Variants in RPS6KA5 observed in about 807,000 individuals in gnomAD.
RPS6KA5 encodes ribosomal protein S6 kinase alpha-5.
In RPS6KA5, 27 loss-of-function variants were observed where a neutral mutation model predicts 85.5. The observed-to-expected ratio is 0.32, with a 90% CI of 0.23 to 0.44. The LOEUF (loss-of-function observed/expected upper bound fraction) is 0.44. Ranked by LOEUF, RPS6KA5 falls within the 20% of genes least tolerant of loss-of-function variation. The pLI is 1.00. For synonymous variants in RPS6KA5, 334 were observed against 348.2 expected (o/e 0.96, Z 0.46); for missense variants, 811 against 980.9 (o/e 0.83, Z 2.31).
rs1245762666 is a variant in RPS6KA5, at chr14:90,854,357, A to G, written c.*17717T>C. 2 of 152,110 alleles carry G rather than the reference A, an allele frequency of 1.3e-5. No individual in the cohort carries two copies. Among genetic ancestry groups the G allele is most frequent in the Non-Finnish European group, 2.9e-5 (2 of 68,022 alleles). The allele number at this position is 152,110 out of a possible 1,614,324, so 9.4% of individuals were successfully genotyped here. ...AAAACTTAACATGAAATCAGCACAGAAACTAAGTTTTTAGAAATAGCCTAC... is the reference window on the plus strand; with the variant it reads ...AAAACTTAACATGAAATCAGCACAGGAACTAAGTTTTTAGAAATAGCCTAC... On this transcript the variant is annotated 3_prime_UTR_variant, in exon 17 of 17. Transcript: ENST00000614987.
intron 2 of RPS6KA5, among the ~76,000 whole-genome samples, chr14:90,983,426 C>G (rs986971821): frequency 6.6e-5 from 10 of 151,744 alleles, no homozygotes; most frequent in African/African-American, 1.9e-4. Flanking sequence ...ATAGGGAGAC[C>G]CCGTCTCTAC....
chr14:90,935,078 T>C (rs138499672), intron 5 of RPS6KA5, among the ~76,000 whole-genome samples: 107 of 152,270 alleles, frequency 7.0e-4, no homozygotes, highest in African/African-American at 2.6e-3. Flanking sequence ...AAAAAAATCA[T>C]GACTACATGT....
rs1277257732 is a variant in RPS6KA5, at chr14:90,851,706, CTT to C, written c.*20366_*20367del. 1 of 152,174 alleles carries C rather than the reference CTT, an allele frequency of 6.6e-6. No individual in the cohort carries two copies. Among genetic ancestry groups the C allele is most frequent in the Non-Finnish European group, 1.5e-5 (1 of 68,040 alleles). 9.4% of individuals were successfully genotyped at this position (152,174 alleles called of 1,614,324 possible). A position where few individuals can be genotyped will look rare whatever the true frequency, so the allele number is the denominator to read the frequency against. ...GAAAAAGGAAGGAATTAAGTGAGCT[CTT>C]TGGGTAACCTTGTTTTCTTCTAGAG... On this transcript the variant is annotated 3_prime_UTR_variant, in exon 17 of 17. Transcript: ENST00000614987.
At chr14:90,969,830 C>T (rs1183336527) in intron 3 of RPS6KA5, among the ~76,000 whole-genome samples, 1 of 152,126 alleles carries the variant, frequency 6.6e-6, no homozygotes, top group Non-Finnish European at 1.5e-5. Context: ...CCCACATGCC[C>T]CCTATGATTC....
chr14:90,884,377 G>A (rs1022969140), intron 14 of RPS6KA5, among the ~76,000 whole-genome samples: 8 of 152,104 alleles, frequency 5.3e-5, no homozygotes, highest in Non-Finnish European at 1.2e-4. Flanking sequence ...TGCTCACTGG[G>A]GCACTTTGCA....
chr14:91,051,903 T>C (rs990029370), intron 1 of RPS6KA5, among the ~76,000 whole-genome samples: 1 of 151,126 alleles, frequency 6.6e-6, no homozygotes, highest in African/African-American at 2.4e-5. Context: ...TCATACTCAG[T>C]GGTAGAAGAC....
Position 90,899,415 on chromosome 14 carries a change from C to T in RPS6KA5, c.1387G>A (p.Ala463Thr), listed in dbSNP as rs1284159698. 2 of 1,611,750 alleles carry T rather than the reference C, an allele frequency of 1.2e-6. No individual in the cohort carries two copies. The highest frequency in any genetic ancestry group is 1.3e-5 in the African/African-American group (1 of 74,776). ...GCTGTTATTTCCTTTTGAGTATTGGCTTCCATCCTGCAAGATGAGACACTT... is the reference window on the plus strand; with the variant it reads ...GCTGTTATTTCCTTTTGAGTATTGGTTTCCATCCTGCAAGATGAGACACTT... Reference protein sequence around the residue: ...AVKIISKRMEANTQKEITALK... With the variant: ...AVKIISKRMETNTQKEITALK... The change falls in exon 12 of 17, where the codon GCC becomes ACC. Residue 463 changes from alanine to threonine, a missense_variant. By Grantham distance (58) the Ala-to-Thr change is moderately conservative (BLOSUM62 0). This residue lies in a region of RPS6KA5 where 650 missense variants were observed against 793.4 expected (regional missense o/e 0.82). Coordinates refer to ENST00000614987, the MANE Select transcript of RPS6KA5 (RefSeq NM_004755.4).
chr14:90,899,615 T>C (rs1351548292), intron 11 of RPS6KA5, among the ~76,000 whole-genome samples, 193 bp from the exon 12 acceptor site: 2 of 152,178 alleles, frequency 1.3e-5, no homozygotes, highest in Non-Finnish European at 2.9e-5. Context: ...AGAAAATTAT[T>C]ATTTCTGAGT....
intron 3 of RPS6KA5, among the ~76,000 whole-genome samples, chr14:90,967,997 C>T (rs2039151592): frequency 6.6e-6 from 1 of 152,122 alleles, no homozygotes; most frequent in Admixed American, 6.5e-5. Flanking sequence ...TAGGAAGTTA[C>T]CACAGACTTA....
intron 2 of RPS6KA5, among the ~76,000 whole-genome samples, chr14:90,980,073 G>A (rs1468057140): frequency 6.6e-6 from 1 of 152,160 alleles, no homozygotes. Context: ...ATAATTATAG[G>A]TTGAGACCTC....
At chr14:90,890,439 A>G in intron 14 of RPS6KA5, 48 bp downstream of exon 14, 2 of 1,477,252 alleles carry the variant, frequency 1.4e-6, no homozygotes, top group Middle Eastern at 1.8e-4. Flanking sequence ...AGGAGAGAGG[A>G]CACCAAAGAA....
In RPS6KA5 at chr14:90,906,209, C is replaced by A. The variant is rs2035492002; in HGVS notation, c.897G>T (p.Lys299Asn). ...LIQRLLMKDPKKRLGCGPRDA... is the reference protein window; with the variant it reads ...LIQRLLMKDPNKRLGCGPRDA... Reference sequence around the variant, plus strand: ...CACGTGGACCACATCCCAATCTCTTCTTGGGATCTTTCATCAAAAGACGCT... The same window carrying A: ...CACGTGGACCACATCCCAATCTCTTATTGGGATCTTTCATCAAAAGACGCT... Residue 299 changes from lysine to asparagine, a missense_variant, in exon 8 of 17, where the codon AAG becomes AAT. Around this residue, in one of 3 missense-constraint regions of RPS6KA5, gnomAD observed 650 missense variants for 793.4 expected, o/e 0.82. Transcript: ENST00000614987. The A allele has an allele frequency of 1.2e-6, 2 of 1,612,978 alleles. No homozygotes were observed. Among genetic ancestry groups the A allele is most frequent in the Non-Finnish European group, 1.7e-6 (2 of 1,179,126 alleles).
intron 2 of RPS6KA5, among the ~76,000 whole-genome samples, chr14:90,980,433 G>A (rs913158662): frequency 1.3e-5 from 2 of 152,210 alleles, no homozygotes; most frequent in Non-Finnish European, 2.9e-5. Context: ...AAACATGGCT[G>A]TTCAGCTTCT....
chr14:90,948,554 G>A (rs557798264), intron 3 of RPS6KA5, among the ~76,000 whole-genome samples: 3 of 152,194 alleles, frequency 2.0e-5, no homozygotes, highest in Admixed American at 2.0e-4. Flanking sequence ...AATTAATCGG[G>A]CGTGGTGGCA....
chr14:90,881,462 A>G (rs1291313106), intron 14 of RPS6KA5, among the ~76,000 whole-genome samples: 6 of 151,520 alleles, frequency 4.0e-5, no homozygotes, highest in Admixed American at 1.3e-4. Flanking sequence ...CAAAAAAAAA[A>G]AAAAAGTCTA....
In RPS6KA5 at chr14:91,023,757, T is replaced by C. The variant is rs190258402; in HGVS notation, c.104-22598A>G. ...AAGTTGGATGCCAACCTAACTATCC[T>C]TCCGTTTATAATTTATTTTATCTTT... On this transcript the variant is annotated intron_variant, in intron 1 of 16. Transcript: ENST00000614987. Among the ~76,000 whole-genome samples the C allele has an allele frequency of 4.4e-3, 509 of 115,608 alleles. 1 individual carries two copies. The highest frequency in any genetic ancestry group is 5.4e-3 in the Non-Finnish European group (281 of 51,796). 75.8% of individuals were successfully genotyped at this position (115,608 alleles called of 152,430 possible). A position where few individuals can be genotyped will look rare whatever the true frequency, so the allele number is the denominator to read the frequency against.
intron 1 of RPS6KA5, among the ~76,000 whole-genome samples, chr14:91,011,880 A>G (rs2041270439): frequency 6.6e-6 from 1 of 152,210 alleles, no homozygotes; most frequent in Admixed American, 6.5e-5. Flanking sequence ...ATTATTTTCT[A>G]ATTTTTTTAT....
rs1282648685 is a variant in RPS6KA5 at position 90,854,496 on chromosome 14, A to G, written c.*17578T>C. On this transcript the variant is annotated 3_prime_UTR_variant, in exon 17 of 17. Transcript: ENST00000614987. ...ATTTTTAAAGACTTGCGATTTTGCT[A>G]AATGTATCATCATTAGAAAAAGTTT... 2 of 152,198 alleles carry G rather than the reference A, an allele frequency of 1.3e-5. No individual in the cohort carries two copies. Among genetic ancestry groups the G allele is most frequent in the African/African-American group, 2.4e-5 (1 of 41,458 alleles). The allele number at this position is 152,198 out of a possible 1,614,324, so 9.4% of individuals were successfully genotyped here.
intron 7 of RPS6KA5, among the ~76,000 whole-genome samples, chr14:90,914,736 T>C (rs1168978427): frequency 6.6e-6 from 1 of 151,990 alleles, no homozygotes; most frequent in Non-Finnish European, 1.5e-5. Context: ...GCAAAACAAA[T>C]GAAGAAAGGA....
Sources: gnomAD v4.1 joint callset for allele counts (sites outside exome capture counted in the v4.1 genomes callset) on GRCh38, gnomAD v4.1.1 for gene constraint, gnomAD v4.1.1 regional missense constraint, MANE v1.5 for transcripts, NCBI Gene and HGNC (gene_info 2026-07-23, HGNC 2026-07-21) for gene names.